CPNE6: variants seen among roughly 807,000 people sequenced by gnomAD.
The protein encoded by CPNE6 is copine-6.
CPNE6 carries 33 observed loss-of-function variants against 71.5 expected under a neutral mutation model. The ratio of observed to expected loss-of-function variants is 0.46; its 90% CI spans 0.35 to 0.62. The LOEUF is 0.62. CPNE6 is among the 20% of genes least tolerant of loss of function. The pLI, the probability that CPNE6 is intolerant of heterozygous loss-of-function variation, is 0.00. For missense variants in CPNE6, 576 were observed against 747.3 expected, an observed-to-expected ratio of 0.77 and a Z score of 2.67; for synonymous variants, 296 against 293.0, an observed-to-expected ratio of 1.01 and a Z score of -0.10.
intron 13 of CPNE6, 43 bp from the exon 13 acceptor site, chr14:24,076,463 G>T (rs2036067525): frequency 6.2e-7 from 1 of 1,614,176 alleles, no homozygotes; most frequent in Non-Finnish European, 8.5e-7. Flanking sequence ...TGTCAGTCAG[G>T]CAGAAAAGGC....
At chr14:24,076,002 G>C in intron 11 of CPNE6, 116 bp downstream of exon 10, 1 of 1,501,918 alleles carries the variant, frequency 6.7e-7, no homozygotes, top group Non-Finnish European at 9.2e-7. Context: ...CCTTCGCATT[G>C]TCAGCTTATG....
chr14:24,071,500 C>CGCG, intron 1 of CPNE6, 62 bp from the exon 1 acceptor site: 68 of 1,476,214 alleles, frequency 4.6e-5, no homozygotes, highest in Non-Finnish European at 5.6e-5. Context: ...GCTGGTGCTG[C>CGCG]GCCCCCCCCC....
intron 1 of CPNE6, 61 bp from the exon 1 acceptor site, chr14:24,071,501 G>GCCACCC: frequency 1.4e-6 from 2 of 1,416,702 alleles, no homozygotes; most frequent in Non-Finnish European, 9.3e-7. Flanking sequence ...CTGGTGCTGC[G>GCCACCC]CCCCCCCCCA....
Position 24,075,177 on chromosome 14 carries a change from G to A in CPNE6, c.678G>A (p.Leu226=). ...CCCTCCCCCTGCCTTCTCAGTTCCT[G>A]GTGTATGACTATGACTCCAGTGGGA... The change falls in exon 9 of 18, where the codon CTG becomes CTA. Residue 226 remains leucine (L), a synonymous_variant. Coordinates refer to ENST00000397016, the Ensembl canonical transcript of CPNE6. This position sits in a 1 kb window ranked among gnomAD's most constrained non-coding sequence, Gnocchi z 4.3. 1 of 1,613,326 alleles carries A rather than the reference G, an allele frequency of 6.2e-7. No individual in the cohort carries two copies. Among genetic ancestry groups the A allele is most frequent in the Non-Finnish European group, 8.5e-7 (1 of 1,179,486 alleles).
At chr14:24,071,530 C>G (rs1054777962) in exon 2 of CPNE6, 27 of 1,521,432 alleles carry the variant, frequency 1.8e-5, no homozygotes, top group Non-Finnish European at 2.3e-5. Flanking sequence ...CATCCAGGCC[C>G]CATAAATAGC....
chr14:24,075,201 G>A lies in CPNE6; in HGVS notation c.702G>A (p.Gly234=), dbSNP rs752166444. The A allele has an allele frequency of 2.5e-6, 4 of 1,613,982 alleles. No homozygotes were observed. The highest frequency in any genetic ancestry group is 2.5e-6 in the Non-Finnish European group (3 of 1,180,012). Residue 234 remains glycine (G), a synonymous_variant, in exon 9 of 18, where the codon GGG becomes GGA. Transcript: ENST00000397016. The surrounding 1 kb of genome is among the most constrained non-coding windows in gnomAD (Gnocchi z 4.3). The stretch of plus-strand genomic sequence containing the variant: ...TGGTGTATGACTATGACTCCAGTGG[G>A]AAGCATGACTTCATCGGCGAGTTCA...
rs866725646 is a variant in CPNE6, at chr14:24,075,032, G to A, written c.673-140G>A. On this transcript the variant is annotated intron_variant, in intron 8 of 17. Coordinates refer to ENST00000397016, the Ensembl canonical transcript of CPNE6. This position sits in a 1 kb window ranked among gnomAD's most constrained non-coding sequence, Gnocchi z 4.3. ...ACAAAGTTCAGCAGGTGGCCTCTCC[G>A]GGCAGGCTGAGGATGTCTGTTTGGG... The A allele has an allele frequency of 3.0e-4, 231 of 764,000 alleles. 2 individuals are homozygous for A. The Middle Eastern group carries it at 9.1e-3, about 30-fold the overall frequency. The allele number at this position is 764,000 out of a possible 1,614,324, so 47.3% of individuals were successfully genotyped here. A position where few individuals can be genotyped will look rare whatever the true frequency, so the allele number is the denominator to read the frequency against.
At chr14:24,076,061 T>C (rs2036051169) in intron 11 of CPNE6, 88 bp from the exon 11 acceptor site, 4 of 1,565,460 alleles carry the variant, frequency 2.6e-6, no homozygotes, top group Admixed American at 3.4e-5. Context: ...ACCACTCATC[T>C]TAGTCCTCCC....
Position 24,073,358 on chromosome 14 carries a change from G to C in CPNE6, c.169-141G>C, listed in dbSNP as rs372151085. 9.7e-7 allele frequency: 1 copy of C among 1,033,982 alleles called. No homozygotes were observed. The allele number at this position is 1,033,982 out of a possible 1,614,324, so 64.1% of individuals were successfully genotyped here. ...GTGGGCAGGCAGCACCCCAAGCTCA[G>C]GGATCAGCTTAGGAAGAGAAGAGCT... On this transcript the variant is annotated intron_variant, in intron 3 of 17. Coordinates refer to ENST00000397016, the Ensembl canonical transcript of CPNE6. This position sits in a 1 kb window ranked among gnomAD's most constrained non-coding sequence, Gnocchi z 5.5.
Position 24,077,148 on chromosome 14 carries a change from C to T in CPNE6, c.1300-6C>T. 1 of 1,600,248 alleles carries T rather than the reference C, an allele frequency of 6.2e-7. No individual in the cohort carries two copies. On this transcript the variant is annotated splice_polypyrimidine_tract_variant and splice_region_variant and intron_variant, in intron 15 of 17. Transcript: ENST00000397016. This position sits in a 1 kb window ranked among gnomAD's most constrained non-coding sequence, Gnocchi z 6.1. Reference sequence around the variant, plus strand: ...CAACCCTTCCACCCTCTCTGCTTGCCCTCAGAAGTACTCGGTGCTGCTGGT... The same window carrying T: ...CAACCCTTCCACCCTCTCTGCTTGCTCTCAGAAGTACTCGGTGCTGCTGGT...
At chr14:24,076,200 C>T (rs199515655) in exon 12 of CPNE6, 54 of 1,614,016 alleles carry the variant, frequency 3.3e-5, no homozygotes, top group Non-Finnish European at 4.6e-5. Context: ...CAGCCAGTCC[C>T]TGCACTGCCT....
At chr14:24,070,975 G>A in exon 1 of CPNE6, 2 of 1,535,474 alleles carry the variant, frequency 1.3e-6, no homozygotes, top group Non-Finnish European at 1.7e-6. Context: ...CGTTCAGCAA[G>A]GTATGTGATG....
chr14:24,078,019 T>C, exon 18 of CPNE6: 1 of 322,986 alleles, frequency 3.1e-6, no homozygotes, highest in East Asian at 4.9e-5. Context: ...TTCAATGCTG[T>C]GGCCCCTCAG....
exon 3 of CPNE6, chr14:24,072,977 C>A: frequency 6.3e-7 from 1 of 1,587,042 alleles, no homozygotes; most frequent in Non-Finnish European, 8.6e-7. Context: ...GAGCCCCCAA[C>A]CATGACGCTG....
chr14:24,071,483 G>T (rs867990196), intron 1 of CPNE6, 79 bp from the exon 1 acceptor site: 1 of 1,524,920 alleles, frequency 6.6e-7, no homozygotes, highest in East Asian at 2.5e-5. Context: ...CCATCCACGC[G>T]GGGGGAGCTG....
Position 24,073,412 on chromosome 14 carries a change from G to C in CPNE6, c.169-87G>C. On this transcript the variant is annotated intron_variant, in intron 3 of 17. Transcript: ENST00000397016. This position sits in a 1 kb window ranked among gnomAD's most constrained non-coding sequence, Gnocchi z 5.5. ...TGCTGGGGACGTGGGGGCCCAAGAA[G>C]AGCTGGCATGACTAGGGCAGTCCAG... 1 of 1,423,472 alleles carries C rather than the reference G, an allele frequency of 7.0e-7. No individual in the cohort carries two copies. The highest frequency in any genetic ancestry group is 2.6e-4 in the Middle Eastern group (1 of 3,814). 88.2% of individuals were successfully genotyped at this position (1,423,472 alleles called of 1,614,324 possible).
In CPNE6 at chr14:24,075,459, G is replaced by C. The variant is rs762439565; in HGVS notation, c.778-46G>C. 1.9e-6 allele frequency: 3 copies of C among 1,565,206 alleles called. No homozygotes were observed. The highest frequency in any genetic ancestry group is 2.6e-6 in the Non-Finnish European group (3 of 1,142,504). On this transcript the variant is annotated intron_variant, in intron 9 of 17. Coordinates refer to ENST00000397016, the Ensembl canonical transcript of CPNE6. This position sits in a 1 kb window ranked among gnomAD's most constrained non-coding sequence, Gnocchi z 4.3. ...GCTCTGCTGGAAGGGAGAAAGAGGGGTCACCTGATGGACTTGTGACCCTGA... is the reference window on the plus strand; with the variant it reads ...GCTCTGCTGGAAGGGAGAAAGAGGGCTCACCTGATGGACTTGTGACCCTGA...
intron 1 of CPNE6, 152 bp from the exon 1 acceptor site, chr14:24,071,409 TC>T: frequency 6.9e-7 from 1 of 1,454,412 alleles, no homozygotes; most frequent in Non-Finnish European, 9.0e-7. Context: ...CCTGCCCTCC[TC>T]CCCCGGTTCT....
Position 24,075,450 on chromosome 14 carries a change from G to A in CPNE6, c.778-55G>A. On this transcript the variant is annotated intron_variant, in intron 9 of 17. Transcript: ENST00000397016. The surrounding 1 kb of genome is among the most constrained non-coding windows in gnomAD (Gnocchi z 4.3). ...CTCTGGGAGGCTCTGCTGGAAGGGA[G>A]AAAGAGGGGTCACCTGATGGACTTG... 6.5e-7 allele frequency: 1 copy of A among 1,550,114 alleles called. No homozygotes were observed. The highest frequency in any genetic ancestry group is 8.9e-7 in the Non-Finnish European group (1 of 1,129,820).
Sources: allele counts gnomAD v4.1 joint callset, GRCh38; gene constraint gnomAD v4.1.1; non-coding constraint Gnocchi (gnomAD v3.1); transcripts MANE v1.5; gene names NCBI Gene and HGNC (gene_info 2026-07-23, HGNC 2026-07-21).